ATP13A3: variants seen among roughly 807,000 people sequenced by gnomAD.
ATP13A3 encodes ATPase 13A3.
Under a neutral mutation model 158.1 loss-of-function variants are expected in ATP13A3, and 59 were observed. That is an observed-to-expected ratio of 0.37 (90% CI 0.30 to 0.46). ATP13A3 has a LOEUF of 0.46. ATP13A3 is among the 20% of genes least tolerant of loss of function. ATP13A3 has a pLI of 1.00. For missense variants in ATP13A3, 1,166 were observed against 1,525.2 expected (o/e 0.76, Z 3.92); for synonymous variants, 491 against 504.3 (o/e 0.97, Z 0.35).
At chr3:194,450,102 A>G (rs748496023) in intron 11 of ATP13A3, 43 bp downstream of exon 11, 39 of 1,594,710 alleles carry the variant, frequency 2.4e-5, no homozygotes, top group Admixed American at 5.1e-5. Context: ...TAGTCATGAT[A>G]TATCATGAAC....
intron 31 of ATP13A3, 148 bp from the exon 32 acceptor site, chr3:194,413,987 G>T: frequency 1.5e-6 from 1 of 655,020 alleles, no homozygotes; most frequent in Non-Finnish European, 2.7e-6. Context: ...AATGCCCCGC[G>T]GTATATATTA....
chr3:194,453,891 T>C (rs545776135), intron 9 of ATP13A3, 113 bp from the exon 10 acceptor site: 682 of 768,404 alleles, frequency 8.9e-4, no homozygotes, highest in Admixed American at 1.5e-3. Flanking sequence ...ACTCCATCTT[T>C]ATAAAATGTC....
At chr3:194,431,581 T>G in intron 22 of ATP13A3, 136 bp downstream of exon 22, 1 of 898,712 alleles carries the variant, frequency 1.1e-6, no homozygotes, top group Admixed American at 3.7e-5. Context: ...TGAAACATAA[T>G]CTCTGAAAAA....
At chr3:194,420,023 A>C (rs1414147853) in intron 30 of ATP13A3, 56 bp from the exon 31 acceptor site, 58 of 1,445,540 alleles carry the variant, frequency 4.0e-5, no homozygotes, top group Non-Finnish European at 5.3e-5. Flanking sequence ...TTATATAAAA[A>C]GGCATCCAAT....
intron 31 of ATP13A3, among the ~76,000 whole-genome samples, chr3:194,415,762 C>T (rs562961768): frequency 4.0e-5 from 6 of 150,348 alleles, no homozygotes; most frequent in African/African-American, 7.4e-5. Flanking sequence ...CTCCGCCTCC[C>T]GGGTTCACAC....
upstream of ATP13A3, chr3:194,487,434 C>T (rs1721057736): frequency 6.6e-6 from 1 of 152,394 alleles, no homozygotes; most frequent in Non-Finnish European, 1.5e-5. Flanking sequence ...GCTCCTAATG[C>T]AAGGCTCTTT....
chr3:194,431,239 G>A lies in ATP13A3; in HGVS notation c.2422-13C>T. ...TAACCGGAATAGCCTGTGTATATGA[G>A]ACATTGGGAACAATATTTAGGCAAC... On this transcript the variant is annotated splice_polypyrimidine_tract_variant and intron_variant, in intron 22 of 33. Coordinates refer to ENST00000645319, the MANE Select transcript of ATP13A3 (RefSeq NM_001367549.1). 1 of 1,581,688 alleles carries A rather than the reference G, an allele frequency of 6.3e-7. No individual in the cohort carries two copies. Among genetic ancestry groups the A allele is most frequent in the Non-Finnish European group, 8.6e-7 (1 of 1,157,906 alleles).
At chr3:194,419,248 CAT>C (rs1265405993) in intron 31 of ATP13A3, among the ~76,000 whole-genome samples, 1 of 152,062 alleles carries the variant, frequency 6.6e-6, no homozygotes, top group African/African-American at 2.4e-5. Context: ...TGACTGCAAA[CAT>C]ATATGGTAAG....
At chr3:194,457,724 T>C (rs1719330885) in intron 6 of ATP13A3, among the ~76,000 whole-genome samples, 1 of 151,882 alleles carries the variant, frequency 6.6e-6, no homozygotes, top group African/African-American at 2.4e-5. Flanking sequence ...CTAAAATCTG[T>C]AATAATTCTA....
At chr3:194,425,184 C>A (rs1716675374) in intron 30 of ATP13A3, among the ~76,000 whole-genome samples, 158 bp downstream of exon 30, 1 of 152,174 alleles carries the variant, frequency 6.6e-6, no homozygotes, top group African/African-American at 2.4e-5. Flanking sequence ...TGGCAACTAC[C>A]AATGAAAGTA....
At chr3:194,451,289 G>T (rs1030803996) in intron 10 of ATP13A3, 16 of 152,116 alleles carry the variant, frequency 1.1e-4, no homozygotes, top group Non-Finnish European at 1.9e-4. Context: ...TAAAAATTTG[G>T]ATTTCTTTAA....
rs746580802 is a variant in ATP13A3 at position 194,404,144 on chromosome 3, T to C, written c.*1775A>G. 10 of 448,578 alleles carry C rather than the reference T, an allele frequency of 2.2e-5. No individual in the cohort carries two copies. Among genetic ancestry groups the C allele is most frequent in the African/African-American group, 4.1e-5 (2 of 49,374 alleles). The allele number at this position is 448,578 out of a possible 1,614,324, so 27.8% of individuals were successfully genotyped here. On this transcript the variant is annotated 3_prime_UTR_variant, in exon 34 of 34. Coordinates refer to ENST00000645319, the MANE Select transcript of ATP13A3 (RefSeq NM_001367549.1). ...AAATGATCCAGAGAATAAGTAACTA[T>C]AGAAAATAGTGCTAATTCACAGCTC...
chr3:194,434,015 A>G (rs1024113939), intron 20 of ATP13A3, 119 bp from the exon 21 acceptor site: 1 of 1,076,816 alleles, frequency 9.3e-7, no homozygotes, highest in African/African-American at 1.6e-5. Context: ...GCAGTTTAAA[A>G]TATCTATAAA....
chr3:194,445,036 A>T (rs1426505025), intron 14 of ATP13A3, among the ~76,000 whole-genome samples: 1 of 151,982 alleles, frequency 6.6e-6, no homozygotes, highest in Non-Finnish European at 1.5e-5. Context: ...AGAGAGGGGT[A>T]TATATTTACG....
intron 2 of ATP13A3, among the ~76,000 whole-genome samples, chr3:194,474,232 C>G (rs1161009500): frequency 6.6e-6 from 1 of 152,090 alleles, no homozygotes; most frequent in African/African-American, 2.4e-5. Flanking sequence ...GGCACCGTCA[C>G]AGCTGACCAC....
intron 2 of ATP13A3, among the ~76,000 whole-genome samples, chr3:194,476,892 G>A (rs1423658964): frequency 6.6e-6 from 1 of 152,002 alleles, no homozygotes; most frequent in Non-Finnish European, 1.5e-5. Context: ...TGAGGAACTG[G>A]GGCGGAAGGG....
rs114249561 is a variant in ATP13A3 at position 194,450,558 on chromosome 3, G to A, written c.839-282C>T. On this transcript the variant is annotated intron_variant, in intron 10 of 33. Coordinates refer to ENST00000645319, the MANE Select transcript of ATP13A3 (RefSeq NM_001367549.1). ...GTGTGCTTCAACACTCATGACAACC[G>A]TCCATGATAAATGGTGACTATTAGC... 7.7e-3 allele frequency: 2,721 copies of A among 353,294 alleles called. 16 individuals are homozygous for A. The highest frequency in any genetic ancestry group is 0.021 in the Middle Eastern group (22 of 1,064). 21.9% of individuals were successfully genotyped at this position (353,294 alleles called of 1,614,324 possible).
intron 30 of ATP13A3, chr3:194,420,171 G>A: frequency 2.8e-6 from 1 of 354,980 alleles, no homozygotes; most frequent in Non-Finnish European, 4.7e-6. Context: ...TACACAACGT[G>A]ATGTTATGTT....
At chr3:194,487,463 C>G (rs1277162460), upstream of ATP13A3, 1 of 152,394 alleles carries the variant, frequency 6.6e-6, no homozygotes, top group Non-Finnish European at 1.5e-5. Flanking sequence ...TAGCCACCCT[C>G]GCCCCCGCCA....
Sources: gnomAD v4.1 joint callset for allele counts (sites outside exome capture counted in the v4.1 genomes callset) on GRCh38, gnomAD v4.1.1 for gene constraint, MANE v1.5 for transcripts, NCBI Gene and HGNC (gene_info 2026-07-23, HGNC 2026-07-21) for gene names.